CREB3L1: variants seen among roughly 807,000 people sequenced by gnomAD.
CREB3L1 encodes the protein cAMP responsive element binding protein 3 like 1, also known as cyclic AMP-responsive element-binding protein 3-like protein 1.
In CREB3L1, 33 loss-of-function variants were observed where a neutral mutation model predicts 54.5. The observed-to-expected ratio is 0.61, with a 90% confidence interval of 0.46 to 0.81. The LOEUF (loss-of-function observed/expected upper bound fraction) is 0.81, where lower values mean the gene tolerates loss of function less well. Among genes scored for constraint, CREB3L1 ranks in the 30% least tolerant of loss-of-function variants. The pLI is 0.00. For synonymous variants in CREB3L1, 284 were observed against 286.4 expected (o/e 0.99, Z 0.08); for missense variants, 656 against 673.3 (o/e 0.97, Z 0.29).
chr11:46,315,091 C>T (rs1008232476), intron 8 of CREB3L1: 10 of 204,260 alleles, frequency 4.9e-5, no homozygotes, highest in Non-Finnish European at 8.5e-5. Context: ...GGATTAATTA[C>T]AATAACCTAG....
chr11:46,281,686 G>A (rs933754662), intron 1 of CREB3L1, among the ~76,000 whole-genome samples: 3 of 152,240 alleles, frequency 2.0e-5, no homozygotes, highest in African/African-American at 4.8e-5. Flanking sequence ...CTTCTCCTGA[G>A]CTAACTGGGA....
intron 2 of CREB3L1, among the ~76,000 whole-genome samples, chr11:46,302,779 G>A (rs1001267240): frequency 6.6e-6 from 1 of 152,046 alleles, no homozygotes; most frequent in Non-Finnish European, 1.5e-5. Context: ...TCAGGAGTTC[G>A]AAACCTGCCC....
chr11:46,305,010 C>T (rs1159564123), intron 2 of CREB3L1, among the ~76,000 whole-genome samples: 1 of 152,150 alleles, frequency 6.6e-6, no homozygotes, highest in Non-Finnish European at 1.5e-5. Context: ...CTCAGGCTCC[C>T]AACAGGGTGC....
At chr11:46,281,693 G>A (rs1458088626) in intron 1 of CREB3L1, among the ~76,000 whole-genome samples, 1 of 152,208 alleles carries the variant, frequency 6.6e-6, no homozygotes, top group East Asian at 1.9e-4. Context: ...TGAGCTAACT[G>A]GGAAGCAGAG....
chr11:46,311,909 G>A (rs530032085), intron 5 of CREB3L1, among the ~76,000 whole-genome samples: 2 of 152,208 alleles, frequency 1.3e-5, no homozygotes, highest in African/African-American at 4.8e-5. Flanking sequence ...CCTCCAAGGA[G>A]CGCTGTGTGA....
At chr11:46,280,125 G>C (rs547190620) in intron 1 of CREB3L1, among the ~76,000 whole-genome samples, 1 of 152,038 alleles carries the variant, frequency 6.6e-6, no homozygotes, top group African/African-American at 2.4e-5. Context: ...CTCTGTTTCT[G>C]CCACCAGCCA....
intron 2 of CREB3L1, 134 bp from the exon 3 acceptor site, chr11:46,307,682 C>A (rs530115168): frequency 1.5e-5 from 10 of 653,244 alleles, no homozygotes; most frequent in Admixed American, 3.7e-5. Flanking sequence ...CACCTCACAA[C>A]CACCCTCTTT....
chr11:46,311,789 T>C (rs1276644323), intron 5 of CREB3L1, among the ~76,000 whole-genome samples: 2 of 152,172 alleles, frequency 1.3e-5, no homozygotes, highest in African/African-American at 4.8e-5. Context: ...AGCCACCGCA[T>C]CTGGTCAGGA....
chr11:46,312,777 G>C, intron 7 of CREB3L1, 74 bp from the exon 8 acceptor site: 1 of 1,547,248 alleles, frequency 6.5e-7, no homozygotes, highest in Non-Finnish European at 8.8e-7. Context: ...GAGTGTGATG[G>C]TGGTGGGCTG....
rs754844256 is a variant in CREB3L1 at position 46,320,474 on chromosome 11, G to C, written c.1469G>C (p.Gly490Ala). 5.0e-6 allele frequency: 8 copies of C among 1,600,070 alleles called. No individual in the cohort carries two copies. The East Asian group carries it at 1.8e-4, about 36-fold the overall frequency. The part of the protein sequence containing the change: ...KYLSEAWPKD[G>A]GNGTSPDFSH... ...CTGAGTGAGGCCTGGCCTAAAGACG[G>C]TGGAAACGGCACCAGCCCCGACTTC... Residue 490 changes from glycine to alanine, a missense_variant, in exon 11 of 12, where the codon GGT becomes GCT. Gly to Ala is a moderately conservative substitution (Grantham distance 60). Around this residue, in one of 3 missense-constraint regions of CREB3L1, gnomAD observed 240 missense variants for 219.8 expected, o/e 1.09. Transcript: ENST00000621158.
intron 1 of CREB3L1, among the ~76,000 whole-genome samples, chr11:46,294,849 G>C (rs1939181080): frequency 1.3e-5 from 2 of 151,856 alleles, no homozygotes; most frequent in Non-Finnish European, 2.9e-5. Flanking sequence ...GTGTGTGTTG[G>C]GGTGTGGGGG....
At chr11:46,283,414 A>G (rs1939007703) in intron 1 of CREB3L1, among the ~76,000 whole-genome samples, 1 of 152,170 alleles carries the variant, frequency 6.6e-6, no homozygotes, top group African/African-American at 2.4e-5. Flanking sequence ...CCAGCCCCAT[A>G]GAGAATGGAG....
At position 46,312,320 on chromosome 11, in the gene CREB3L1, T is replaced by C. The variant is rs1444347629; in HGVS notation, c.754-5T>C. The C allele has an allele frequency of 6.3e-7, 1 of 1,580,076 alleles. No individual in the cohort carries two copies. On this transcript the variant is annotated splice_polypyrimidine_tract_variant and splice_region_variant and intron_variant, in intron 5 of 11. Coordinates refer to ENST00000621158, the MANE Select transcript of CREB3L1 (RefSeq NM_052854.4). ...CTCCTAACTACCACATCATACTTCCTACAGAAATTACAGGGGACATCAGGG... is the reference window on the plus strand; with the variant it reads ...CTCCTAACTACCACATCATACTTCCCACAGAAATTACAGGGGACATCAGGG...
chr11:46,282,247 G>A (rs1339874243), intron 1 of CREB3L1, among the ~76,000 whole-genome samples: 2 of 152,164 alleles, frequency 1.3e-5, no homozygotes, highest in Non-Finnish European at 1.5e-5. Context: ...CAGCCATCGA[G>A]GTCCTGCAGA....
In CREB3L1 at chr11:46,278,095, C is replaced by T. The variant is rs776384874; in HGVS notation, c.-17C>T. 2.4e-5 allele frequency: 36 copies of T among 1,519,086 alleles called. No homozygotes were observed. In the South Asian group the frequency reaches 3.5e-4, roughly 15 times the overall value. The allele number at this position is 1,519,086 out of a possible 1,614,324, so 94.1% of individuals were successfully genotyped here. On this transcript the variant is annotated 5_prime_UTR_variant, in exon 1 of 12. Coordinates refer to ENST00000621158, the MANE Select transcript of CREB3L1 (RefSeq NM_052854.4). The surrounding 1 kb of genome is among the most constrained non-coding windows in gnomAD (Gnocchi z 4.2). ...TGAGGGAAGCCCAGTGGAAGGGGGT[C>T]CCGGGAGCCGGCTGCGATGGACGCC... is the stretch of plus-strand genomic sequence containing the variant.
rs766415281 is a variant in CREB3L1, at chr11:46,311,119, C to G, written c.683C>G (p.Ser228Cys). The G allele has an allele frequency of 4.4e-6, 7 of 1,607,488 alleles. No homozygotes were observed. Among genetic ancestry groups the G allele is most frequent in the East Asian group, 2.2e-5 (1 of 44,748 alleles). ...GSQSPRSLPP[S>C]SPVRPMARSS... ...CAGAGTCCCCGCTCTCTGCCCCCCTCCAGCCCTGTCAGGCCCATGGCGCGC... is the reference window on the plus strand; with the variant it reads ...CAGAGTCCCCGCTCTCTGCCCCCCTGCAGCCCTGTCAGGCCCATGGCGCGC... The change falls in exon 5 of 12, where the codon TCC (serine) becomes TGC (cysteine). Residue 228 changes from serine (S) to cysteine (C), a missense_variant. Coordinates refer to ENST00000621158, the MANE Select transcript of CREB3L1 (RefSeq NM_052854.4).
intron 1 of CREB3L1, among the ~76,000 whole-genome samples, chr11:46,280,190 G>GTTT (rs1267979153): frequency 2.1e-5 from 2 of 93,706 alleles, no homozygotes; most frequent in Non-Finnish European, 4.8e-5. Flanking sequence ...TTTGTTTTTT[G>GTTT]TTTTTTGTTT....
intron 2 of CREB3L1, among the ~76,000 whole-genome samples, chr11:46,302,168 A>AAAT (rs61146206): frequency 0.16 from 21,745 of 135,426 alleles, 2,012 homozygotes; most frequent in East Asian, 0.38. Flanking sequence ...GCTCCGTCTC[A>AAAT]AATAATAATA....
intron 5 of CREB3L1, 122 bp from the exon 6 acceptor site, chr11:46,312,202 AT>A (rs1207228385): frequency 1.0e-5 from 8 of 798,136 alleles, no homozygotes; most frequent in African/African-American, 1.8e-5. Context: ...CCCTTTCCAG[AT>A]GAGGAAACTG....
Sources: gnomAD v4.1 joint callset for allele counts (sites outside exome capture counted in the v4.1 genomes callset) on GRCh38, gnomAD v4.1.1 for gene constraint, gnomAD v4.1.1 regional missense constraint, Gnocchi (gnomAD v3.1) non-coding constraint, MANE v1.5 for transcripts, NCBI Gene and HGNC (gene_info 2026-07-23, HGNC 2026-07-21) for gene names.